The following CSDE1 variants were observed in gnomAD, a reference collection of about 807,000 sequenced individuals.
CSDE1 encodes the protein cold shock domain containing E1.
A neutral mutation model predicts 89.3 loss-of-function variants in CSDE1; 17 were observed. The observed-to-expected ratio is 0.19, with a 90% CI of 0.13 to 0.29. The LOEUF is 0.29. Among genes scored for constraint, CSDE1 ranks in the 10% least tolerant of loss-of-function variants. CSDE1 has a pLI of 1.00. For synonymous variants in CSDE1, 322 were observed against 332.8 expected (o/e 0.97, Z 0.35); for missense variants, 672 against 984.2 (o/e 0.68, Z 4.24).
In CSDE1 at chr1:114,717,892, T is replaced by C. The variant is rs1659274710; in HGVS notation, c.*277A>G. 4.8e-6 allele frequency: 2 copies of C among 418,066 alleles called. No individual in the cohort carries two copies. The highest frequency in any genetic ancestry group is 4.1e-5 in the Admixed American group (1 of 24,476). 25.9% of individuals were successfully genotyped at this position (418,066 alleles called of 1,614,324 possible). A position where few individuals can be genotyped will look rare whatever the true frequency, so the allele number is the denominator to read the frequency against. Reference sequence around the variant, plus strand: ...GCAAAGTGGATTCTGCAATTACCAGTTGCGTTAAATGCACCAAATAAAGCT... The same window carrying C: ...GCAAAGTGGATTCTGCAATTACCAGCTGCGTTAAATGCACCAAATAAAGCT... On this transcript the variant is annotated 3_prime_UTR_variant, in exon 20 of 20. Transcript: ENST00000358528.
rs1447861228 is a variant in CSDE1 at position 114,730,663 on chromosome 1, A to G, written c.1051-15T>C. The G allele has an allele frequency of 1.2e-6, 2 of 1,610,958 alleles. No individual in the cohort carries two copies. The highest frequency in any genetic ancestry group is 2.2e-5 in the East Asian group (1 of 44,828). ...GCAATCACACCCTGAAACCCAAATA[A>G]TATTTTCACTGGCTGTGAAACTTGT... On this transcript the variant is annotated splice_polypyrimidine_tract_variant and intron_variant, in intron 10 of 19. Transcript: ENST00000358528.
intron 14 of CSDE1, 27 bp downstream of exon 14, chr1:114,726,184 G>A (rs375331926): frequency 5.1e-6 from 8 of 1,570,310 alleles, no homozygotes; most frequent in African/African-American, 2.7e-5. Flanking sequence ...TAAGTTAGCT[G>A]TAAAGTTCCT....
chr1:114,742,782 A>G (rs1214737982), intron 2 of CSDE1, among the ~76,000 whole-genome samples: 1 of 152,232 alleles, frequency 6.6e-6, no homozygotes, highest in Admixed American at 6.5e-5. Context: ...AGACTATGAC[A>G]TGGACTTAAA....
intron 2 of CSDE1, among the ~76,000 whole-genome samples, chr1:114,743,615 C>T (rs1660854549): frequency 6.6e-6 from 1 of 152,182 alleles, no homozygotes. Context: ...TCCAATCCTG[C>T]CACACATCAC....
intron 2 of CSDE1, among the ~76,000 whole-genome samples, chr1:114,741,026 C>T (rs1660697724): frequency 6.6e-6 from 1 of 152,112 alleles, no homozygotes; most frequent in African/African-American, 2.4e-5. Flanking sequence ...GCCACCACAC[C>T]TGTAGGTGGT....
chr1:114,718,297 G>C lies in CSDE1; in HGVS notation c.2350-81C>G, dbSNP rs138421730. ...CATAGTACATTCACTATTCCGAAAT[G>C]AAACTACAAAAGCATTATTTTTAAT... On this transcript the variant is annotated intron_variant, in intron 19 of 19. Coordinates refer to ENST00000358528, the MANE Select transcript of CSDE1 (RefSeq NM_001007553.3). 7 of 1,468,732 alleles carry C rather than the reference G, an allele frequency of 4.8e-6. No individual in the cohort carries two copies. The African/African-American group carries it at 8.5e-5, about 18-fold the overall frequency. The allele number at this position is 1,468,732 out of a possible 1,614,324, so 91.0% of individuals were successfully genotyped here.
At chr1:114,723,225 A>G (rs537320723) in intron 16 of CSDE1, among the ~76,000 whole-genome samples, 1 of 152,290 alleles carries the variant, frequency 6.6e-6, no homozygotes, top group African/African-American at 2.4e-5. Context: ...TAATTCTGCT[A>G]TCCTAATCAT....
rs190440799 is a variant in CSDE1, at chr1:114,739,635, T to C, written c.199+57A>G. The stretch of plus-strand genomic sequence containing the variant: ...TTTTGAAAAACACTCATGAACAAAT[T>C]GATATGCAAGACAAATTTTGTGATT... On this transcript the variant is annotated intron_variant, in intron 3 of 19. Transcript: ENST00000358528. 92 of 1,457,562 alleles carry C rather than the reference T, an allele frequency of 6.3e-5. No homozygotes were observed. In the East Asian group the frequency reaches 2.1e-3, roughly 33 times the overall value. The allele number at this position is 1,457,562 out of a possible 1,614,324, so 90.3% of individuals were successfully genotyped here.
At chr1:114,720,207 T>C (rs973118173) in intron 17 of CSDE1, 8 of 235,846 alleles carry the variant, frequency 3.4e-5, no homozygotes, top group Non-Finnish European at 6.5e-5. Context: ...TTGAACGTGG[T>C]TTCTGTGTTT....
At chr1:114,719,467 AAAT>A in intron 18 of CSDE1, 109 bp downstream of exon 18, 2 of 1,110,672 alleles carry the variant, frequency 1.8e-6, no homozygotes, top group Admixed American at 2.9e-5. Flanking sequence ...AAGTATCAAG[AAAT>A]AATAAGTGGC....
At chr1:114,756,338 A>T (rs1406252908) in intron 1 of CSDE1, among the ~76,000 whole-genome samples, 1 of 152,234 alleles carries the variant, frequency 6.6e-6, no homozygotes, top group East Asian at 1.9e-4. Flanking sequence ...AAACAAAAAG[A>T]AGGCCAAATA....
At chr1:114,741,614 G>C in intron 2 of CSDE1, 1 of 1,548,778 alleles carries the variant, frequency 6.5e-7, no homozygotes, top group Non-Finnish European at 8.7e-7. Context: ...GTGAAGGAGG[G>C]GCTGCAGGAG....
intron 2 of CSDE1, among the ~76,000 whole-genome samples, chr1:114,749,583 G>A (rs557606158): frequency 6.6e-6 from 1 of 152,298 alleles, no homozygotes; most frequent in African/African-American, 2.4e-5. Context: ...GCTTCTCTAA[G>A]AGACCAGCAA....
At chr1:114,747,929 T>A (rs1661105160) in intron 2 of CSDE1, among the ~76,000 whole-genome samples, 2 of 152,192 alleles carry the variant, frequency 1.3e-5, no homozygotes, top group South Asian at 4.1e-4. Context: ...TTTGTGTTAA[T>A]CTTCCCTATC....
At chr1:114,723,861 GC>G in intron 16 of CSDE1, 21 bp downstream of exon 16, 1 of 1,613,428 alleles carries the variant, frequency 6.2e-7, no homozygotes, top group Non-Finnish European at 8.5e-7. Context: ...ATTTCAAACA[GC>G]CTGATAGTGA....
At chr1:114,730,219 A>G in intron 12 of CSDE1, 39 bp downstream of exon 12, 1 of 1,599,762 alleles carries the variant, frequency 6.3e-7, no homozygotes, top group East Asian at 2.2e-5. Context: ...GAAGAGAAAT[A>G]AACAGCTACA....
chr1:114,756,544 G>C (rs988434119), intron 1 of CSDE1, among the ~76,000 whole-genome samples: 1 of 152,176 alleles, frequency 6.6e-6, no homozygotes. Flanking sequence ...TTAGTATAGA[G>C]TAGCTTATAT....
Position 114,718,031 on chromosome 1 carries a change from T to A in CSDE1, c.*138A>T, listed in dbSNP as rs1659284635. ...TTTTTTAAACATAACACGAGGAAGG[T>A]GTTAAAACTGGTGTAATAGCTCAAT... is the stretch of plus-strand genomic sequence containing the variant. On this transcript the variant is annotated 3_prime_UTR_variant, in exon 20 of 20. Transcript: ENST00000358528. The A allele has an allele frequency of 1.3e-6, 1 of 769,764 alleles. No homozygotes were observed. Among genetic ancestry groups the A allele is most frequent in the Admixed American group, 2.4e-5 (1 of 42,454 alleles). 47.7% of individuals were successfully genotyped at this position (769,764 alleles called of 1,614,324 possible). A position where few individuals can be genotyped will look rare whatever the true frequency, so the allele number is the denominator to read the frequency against.
intron 6 of CSDE1, among the ~76,000 whole-genome samples, chr1:114,735,943 C>T (rs1660377768): frequency 6.6e-6 from 1 of 152,098 alleles, no homozygotes; most frequent in Non-Finnish European, 1.5e-5. Context: ...GATTTGATAT[C>T]TCTACCCAGA....
Sources: gnomAD v4.1 joint callset for allele counts (sites outside exome capture counted in the v4.1 genomes callset) on GRCh38, gnomAD v4.1.1 for gene constraint, MANE v1.5 for transcripts, NCBI Gene and HGNC (gene_info 2026-07-23, HGNC 2026-07-21) for gene names.